ACACB: variants seen among roughly 807,000 people sequenced by gnomAD.
The protein encoded by ACACB is acetyl-CoA carboxylase 2.
ACACB carries 209 observed loss-of-function variants against 278.8 expected under a neutral mutation model. The observed-to-expected ratio is 0.75, with a 90% CI of 0.67 to 0.84. The LOEUF is 0.84. Among genes scored for constraint, ACACB ranks in the 40% least tolerant of loss-of-function variants. The probability of loss-of-function intolerance (pLI) is 0.00; values close to 1 mark genes in which losing one functional copy is unlikely to be tolerated. For synonymous variants in ACACB, 1,174 were observed against 1,285.6 expected, an observed-to-expected ratio of 0.91 and a Z score of 1.86; for missense variants, 2,850 against 3,269.0, an observed-to-expected ratio of 0.87 and a Z score of 3.13.
At position 109,139,504 on chromosome 12, in the gene ACACB, C is replaced by T. The variant is rs1162685718; in HGVS notation, c.99C>T (p.Thr33=). ...WGKMTDSKPI[T]KSKSEANLIP... Reference sequence around the variant, plus strand: ...AAATGACGGACTCCAAGCCGATCACCAAGAGTAAATCAGAAGCAAACCTCA... The same window carrying T: ...AAATGACGGACTCCAAGCCGATCACTAAGAGTAAATCAGAAGCAAACCTCA... Residue 33 remains threonine, a synonymous_variant, in exon 2 of 53, where the codon ACC becomes ACT. Transcript: ENST00000338432. 1 of 1,614,152 alleles carries T rather than the reference C, an allele frequency of 6.2e-7. No homozygotes were observed. Among genetic ancestry groups the T allele is most frequent in the Admixed American group, 1.7e-5 (1 of 60,010 alleles).
intron 22 of ACACB, among the ~76,000 whole-genome samples, chr12:109,216,369 G>A (rs928689308): frequency 1.3e-5 from 2 of 151,874 alleles, no homozygotes; most frequent in South Asian, 2.1e-4. Flanking sequence ...CTACCGGCGC[G>A]TGCCACCATG....
intron 34 of ACACB, among the ~76,000 whole-genome samples, chr12:109,238,191 T>C (rs1283763193): frequency 6.6e-6 from 1 of 150,780 alleles, no homozygotes; most frequent in Non-Finnish European, 1.5e-5. Context: ...AAACCTAGAG[T>C]TGTAGGCATA....
chr12:109,113,050 CTTTT>C (rs1352173156), upstream of ACACB: 2 of 151,644 alleles, frequency 1.3e-5, no homozygotes, highest in Non-Finnish European at 2.9e-5. Flanking sequence ...GTCACGAAAT[CTTTT>C]TTTTTCCTAA....
At chr12:109,222,711 C>T (rs2046207788) in intron 25 of ACACB, 88 bp from the exon 26 acceptor site, 1 of 1,504,708 alleles carries the variant, frequency 6.6e-7, no homozygotes, top group South Asian at 1.1e-5. Flanking sequence ...CATGCACAGT[C>T]CCACCGTGCT....
rs746561107 is a variant in ACACB, at chr12:109,232,649, G to A, written c.4002-20G>A. On this transcript the variant is annotated intron_variant, in intron 28 of 52. Coordinates refer to ENST00000338432, the MANE Select transcript of ACACB (RefSeq NM_001093.4). Reference sequence around the variant, plus strand: ...GTCTGCAAGCAGCTGCCTCATCCCCGACTTGCCATCACCTTACAGGATGAC... The same window carrying A: ...GTCTGCAAGCAGCTGCCTCATCCCCAACTTGCCATCACCTTACAGGATGAC... 5.6e-6 allele frequency: 9 copies of A among 1,608,836 alleles called. No individual in the cohort carries two copies. Among genetic ancestry groups the A allele is most frequent in the African/African-American group, 4.0e-5 (3 of 74,756 alleles).
At chr12:109,252,192 G>C in intron 42 of ACACB, 36 bp downstream of exon 42, 1 of 1,450,216 alleles carries the variant, frequency 6.9e-7, no homozygotes, top group Non-Finnish European at 9.4e-7. Context: ...GTGGATCCTT[G>C]GGGGCCAGGA....
chr12:109,185,664 T>A lies in ACACB; in HGVS notation c.1904T>A (p.Phe635Tyr), dbSNP rs2044631233. ...CCATGGGGAGTGACTCCCATTTCTTTTGAAACCCCCTCAAACCCTCCCCTC... is the reference window on the plus strand; with the variant it reads ...CCATGGGGAGTGACTCCCATTTCTTATGAAACCCCCTCAAACCCTCCCCTC... ...ESPWGVTPIS[F>Y]ETPSNPPLAR... The change falls in exon 12 of 53, where the codon TTT becomes TAT. Residue 635 changes from phenylalanine (F) to tyrosine (Y), a missense_variant. Physicochemically the swap from Phe to Tyr is conservative, Grantham distance 22. Coordinates refer to ENST00000338432, the MANE Select transcript of ACACB (RefSeq NM_001093.4). 6.8e-6 allele frequency: 11 copies of A among 1,614,000 alleles called. No homozygotes were observed. Among genetic ancestry groups the A allele is most frequent in the Non-Finnish European group, 9.3e-6 (11 of 1,179,958 alleles).
intron 33 of ACACB, 86 bp from the exon 34 acceptor site, chr12:109,237,079 A>T: frequency 7.3e-7 from 1 of 1,361,570 alleles, no homozygotes; most frequent in Non-Finnish European, 1.0e-6. Context: ...GGGTCTGCAG[A>T]GTAGGGTGTG....
chr12:109,194,966 T>C (rs1242321806), intron 16 of ACACB, among the ~76,000 whole-genome samples: 1 of 152,156 alleles, frequency 6.6e-6, no homozygotes, highest in South Asian at 2.1e-4. Flanking sequence ...TTCCCTGGTT[T>C]ACTACTGGAG....
At chr12:109,117,913 AT>A (rs1260767438) in intron 1 of ACACB, among the ~76,000 whole-genome samples, 1 of 151,728 alleles carries the variant, frequency 6.6e-6, no homozygotes, top group African/African-American at 2.4e-5. Context: ...CGCCCGGCTA[AT>A]TTTTTTTGTA....
upstream of ACACB, among the ~76,000 whole-genome samples, chr12:109,114,700 T>C (rs954797461): frequency 1.3e-5 from 2 of 151,896 alleles, no homozygotes; most frequent in African/African-American, 4.8e-5. Flanking sequence ...ATTTTTTTTT[T>C]TTTAATTAGC....
At chr12:109,178,895 C>T (rs2044364184) in intron 9 of ACACB, among the ~76,000 whole-genome samples, 193 bp from the exon 10 acceptor site, 1 of 152,198 alleles carries the variant, frequency 6.6e-6, no homozygotes, top group Admixed American at 6.5e-5. Flanking sequence ...GCCCCTTTCT[C>T]CTCGTTACTG....
chr12:109,123,379 T>G (rs1472135220), intron 1 of ACACB, among the ~76,000 whole-genome samples: 1 of 151,740 alleles, frequency 6.6e-6, no homozygotes, highest in Non-Finnish European at 1.5e-5. Flanking sequence ...GTTTGTTTGT[T>G]TATTTGTTTG....
chr12:109,245,574 T>C, intron 37 of ACACB, 52 bp from the exon 38 acceptor site: 5 of 1,584,504 alleles, frequency 3.2e-6, no homozygotes, highest in East Asian at 2.2e-5. Context: ...GGAAAGATAG[T>C]TCTTCCCTAC....
chr12:109,243,554 G>A (rs991593638), intron 37 of ACACB, among the ~76,000 whole-genome samples: 2 of 152,054 alleles, frequency 1.3e-5, no homozygotes, highest in Non-Finnish European at 2.9e-5. Flanking sequence ...AGCTGAGATG[G>A]CCCCACTGCA....
At chr12:109,265,601 C>T in intron 52 of ACACB, 76 bp downstream of exon 52, 3 of 1,541,352 alleles carry the variant, frequency 1.9e-6, no homozygotes, top group South Asian at 1.2e-5. Flanking sequence ...CTACCCGACT[C>T]CTATGCAGCC....
At chr12:109,180,158 G>T (rs56119447) in intron 11 of ACACB, 71 bp downstream of exon 11, 1 of 1,508,480 alleles carries the variant, frequency 6.6e-7, no homozygotes, top group South Asian at 1.2e-5. Context: ...GCTCCCATTA[G>T]TCCATCCCGC....
chr12:109,193,672 A>C lies in ACACB; in HGVS notation c.2424A>C (p.Ser808=), dbSNP rs529988920. ...LERGQVLPAD[S]LLNLVDVELI... Reference sequence around the variant, plus strand: ...GGGGCCAGGTCCTCCCAGCGGATTCACTACTGAACCTCGTAGATGTGGAAT... The same window carrying C: ...GGGGCCAGGTCCTCCCAGCGGATTCCCTACTGAACCTCGTAGATGTGGAAT... The change falls in exon 16 of 53, where the codon TCA becomes TCC. Residue 808 remains serine (S), a synonymous_variant. Transcript: ENST00000338432. 9.3e-6 allele frequency: 15 copies of C among 1,613,968 alleles called. No homozygotes were observed. The Middle Eastern group carries it at 8.3e-4, about 89-fold the overall frequency.
At chr12:109,210,031 ATG>A (rs1565925809) in intron 21 of ACACB, among the ~76,000 whole-genome samples, 1 of 109,932 alleles carries the variant, frequency 9.1e-6, no homozygotes, top group Non-Finnish European at 2.0e-5. Context: ...GTGTGTATAT[ATG>A]TGTATATGTG....
Sources: gnomAD v4.1 joint callset for allele counts (sites outside exome capture counted in the v4.1 genomes callset) on GRCh38, gnomAD v4.1.1 for gene constraint, MANE v1.5 for transcripts, NCBI Gene and HGNC (gene_info 2026-07-23, HGNC 2026-07-21) for gene names.